HSPA14: variants seen among roughly 807,000 people sequenced by gnomAD.
The protein encoded by HSPA14 is heat shock protein family A (Hsp70) member 14.
In HSPA14, 37 loss-of-function variants were observed where a neutral mutation model predicts 65.5. That is an observed-to-expected ratio of 0.56 (90% confidence interval 0.43 to 0.74). The LOEUF is 0.74. Among genes scored for constraint, HSPA14 ranks in the 30% least tolerant of loss-of-function variants. The pLI is 0.00. For synonymous variants in HSPA14, 203 were observed against 214.2 expected (o/e 0.95, Z 0.46); for missense variants, 564 against 607.6 (o/e 0.93, Z 0.75).
chr10:14,870,563 C>T (rs768073633), intron 12 of HSPA14, 34 bp from the exon 13 acceptor site: 2 of 1,562,416 alleles, frequency 1.3e-6, no homozygotes, highest in East Asian at 2.3e-5. Context: ...TGTAAAGATG[C>T]TGAATTCTCT....
chr10:14,851,196 C>T lies in HSPA14; in HGVS notation c.468-23C>T, dbSNP rs1224075946. The stretch of plus-strand genomic sequence containing the variant: ...AATTGAACATGTGATAAATTAAATT[C>T]ATTGAAAGCAAATTGTTCACAGAGA... On this transcript the variant is annotated intron_variant, in intron 6 of 13. Transcript: ENST00000378372. The T allele has an allele frequency of 6.2e-6, 8 of 1,296,716 alleles. No homozygotes were observed. The South Asian group carries it at 1.0e-4, about 16-fold the overall frequency. 80.3% of individuals were successfully genotyped at this position (1,296,716 alleles called of 1,614,324 possible).
At position 14,867,756 on chromosome 10, in the gene HSPA14, C is replaced by T; in HGVS notation, c.1227C>T (p.Ala409=). The T allele has an allele frequency of 6.2e-7, 1 of 1,613,774 alleles. No individual in the cohort carries two copies. The change falls in exon 12 of 14, where the codon GCC becomes GCT. Residue 409 remains alanine (A), a synonymous_variant. Coordinates refer to ENST00000378372, the MANE Select transcript of HSPA14 (RefSeq NM_016299.4). ...ACTAGGGTGTGGACGAATCAGGAGC[C>T]AGTAGATTCACAGTGCTGTTTCCAT... ...ILVKGVDESG[A]SRFTVLFPSG...
At chr10:14,845,980 C>G in intron 3 of HSPA14, 1 of 929,968 alleles carries the variant, frequency 1.1e-6, no homozygotes. Context: ...AAAATGAAAA[C>G]GAAATTTTAA....
intron 12 of HSPA14, among the ~76,000 whole-genome samples, chr10:14,869,370 C>T (rs1424509596): frequency 1.3e-5 from 2 of 151,654 alleles, no homozygotes; most frequent in African/African-American, 4.9e-5. Flanking sequence ...GATTTCAGCT[C>T]ACTGCAACCT....
chr10:14,871,471 CT>C, intron 13 of HSPA14, 56 bp from the exon 14 acceptor site: 1 of 1,019,726 alleles, frequency 9.8e-7, no homozygotes, highest in Non-Finnish European at 1.5e-6. Flanking sequence ...TTGTTACAGA[CT>C]TTATGTTTTT....
chr10:14,848,293 T>C (rs1026931007), intron 3 of HSPA14, among the ~76,000 whole-genome samples: 1 of 152,132 alleles, frequency 6.6e-6, no homozygotes, highest in Non-Finnish European at 1.5e-5. Context: ...GGTGTGAAAC[T>C]ATGATACAAA....
chr10:14,849,316 T>A, intron 5 of HSPA14: 1 of 436,534 alleles, frequency 2.3e-6, no homozygotes, highest in South Asian at 1.7e-5. Flanking sequence ...CTGGAATAGA[T>A]TGTTTATAAG....
chr10:14,871,377 C>T (rs1263052795), intron 13 of HSPA14, 151 bp from the exon 14 acceptor site: 2 of 566,936 alleles, frequency 3.5e-6, no homozygotes, highest in Non-Finnish European at 6.2e-6. Flanking sequence ...TTTAGAGACA[C>T]TGAGATTGTG....
At chr10:14,848,023 C>T (rs1223739045) in intron 3 of HSPA14, among the ~76,000 whole-genome samples, 2 of 152,224 alleles carry the variant, frequency 1.3e-5, no homozygotes, top group Non-Finnish European at 2.9e-5. Context: ...ACACACCCCA[C>T]TTAGGTGTTG....
chr10:14,838,559 G>A, intron 1 of HSPA14, 100 bp downstream of exon 1: 2 of 1,207,766 alleles, frequency 1.7e-6, no homozygotes, highest in Non-Finnish European at 2.3e-6. Flanking sequence ...GCCGGCCTAG[G>A]GATGTCGTGG....
At chr10:14,844,265 G>A (rs1834014646) in intron 3 of HSPA14, 15 of 1,077,654 alleles carry the variant, frequency 1.4e-5, no homozygotes, top group Non-Finnish European at 1.7e-5. Context: ...GGATCACGTA[G>A]TTCATAGATG....
intron 6 of HSPA14, among the ~76,000 whole-genome samples, chr10:14,850,256 C>A (rs113027426): frequency 7.6e-5 from 11 of 144,550 alleles, no homozygotes; most frequent in African/African-American, 2.7e-4. Context: ...TGTGTGACAG[C>A]GAGACTTCGT....
intron 10 of HSPA14, among the ~76,000 whole-genome samples, chr10:14,866,400 G>A (rs1832807346): frequency 6.6e-6 from 1 of 152,154 alleles, no homozygotes; most frequent in Non-Finnish European, 1.5e-5. Context: ...CTGTGAAATA[G>A]GAAGTGGCTA....
chr10:14,865,128 A>G (rs1267706417), intron 10 of HSPA14, among the ~76,000 whole-genome samples: 1 of 152,128 alleles, frequency 6.6e-6, no homozygotes, highest in Non-Finnish European at 1.5e-5. Flanking sequence ...TTCTTTTGAG[A>G]AGTGTCTGTT....
At chr10:14,861,031 ATAG>A (rs1832746365) in intron 10 of HSPA14, among the ~76,000 whole-genome samples, 1 of 152,192 alleles carries the variant, frequency 6.6e-6, no homozygotes, top group Admixed American at 6.5e-5. Context: ...TGCCAGAGGT[ATAG>A]TAGGGTGAGG....
rs1832745620 is a variant in HSPA14, at chr10:14,860,933, G to A, written c.993+4990G>A. On this transcript the variant is annotated intron_variant, in intron 10 of 13. Transcript: ENST00000378372. ...CATTTGCAAGCTAGAAGGGCATCTG[G>A]CACCGGACCAGCCAGTGAGAAGGAA... Among the ~76,000 whole-genome samples the A allele has an allele frequency of 3.3e-5, 5 of 152,278 alleles. No individual in the cohort carries two copies. The South Asian group carries it at 1.0e-3, about 32-fold the overall frequency.
chr10:14,864,859 C>T (rs562838223), intron 10 of HSPA14, among the ~76,000 whole-genome samples: 1 of 152,272 alleles, frequency 6.6e-6, no homozygotes, highest in South Asian at 2.1e-4. Context: ...ATGGCTGGGT[C>T]AAATGGTATT....
At chr10:14,863,036 A>G (rs887573138) in intron 10 of HSPA14, among the ~76,000 whole-genome samples, 8 of 152,016 alleles carry the variant, frequency 5.3e-5, no homozygotes, top group African/African-American at 1.9e-4. Context: ...ATTTTTACAT[A>G]TGTATTTTTG....
chr10:14,855,180 G>C (rs1284034630), intron 9 of HSPA14, among the ~76,000 whole-genome samples: 2 of 152,074 alleles, frequency 1.3e-5, no homozygotes, highest in Admixed American at 1.3e-4. Context: ...TTGTCACAAA[G>C]ATTTCAACCA....
Sources: gnomAD v4.1 joint callset for allele counts (sites outside exome capture counted in the v4.1 genomes callset) on GRCh38, gnomAD v4.1.1 for gene constraint, MANE v1.5 for transcripts, NCBI Gene and HGNC (gene_info 2026-07-23, HGNC 2026-07-21) for gene names.